The following ZNF497 variants were observed in gnomAD, a reference collection of about 807,000 sequenced individuals.
ZNF497 encodes zinc finger-like protein.
For synonymous variants in ZNF497, 422 were observed against 313.7 expected, an observed-to-expected ratio of 1.35 and a Z score of -3.65; for missense variants, 930 against 714.0, an observed-to-expected ratio of 1.30 and a Z score of -3.45.
chr19:58,357,372 G>A lies in ZNF497; in HGVS notation c.264C>T (p.Ser88=), dbSNP rs761089653. The A allele has an allele frequency of 6.3e-7, 1 of 1,592,426 alleles. No individual in the cohort carries two copies. Among genetic ancestry groups the A allele is most frequent in the African/African-American group, 1.3e-5 (1 of 74,498 alleles). The part of the protein sequence containing the change: ...DGGRDGAGPR[S]EPADRALRPS... ...GGCGCAACGCCCGGTCTGCAGGCTC[G>A]CTCCTGGGCCCAGCCCCGTCCCGCC... Residue 88 remains serine, a synonymous_variant, in exon 3 of 3, where the codon AGC becomes AGT. Coordinates refer to ENST00000311044, the MANE Select transcript of ZNF497 (RefSeq NM_198458.3).
chr19:58,356,486 T>C lies in ZNF497; in HGVS notation c.1150A>G (p.Lys384Glu), dbSNP rs1420733724. 6.5e-7 allele frequency: 1 copy of C among 1,548,230 alleles called. No homozygotes were observed. The highest frequency in any genetic ancestry group is 8.7e-7 in the Non-Finnish European group (1 of 1,153,174). The change falls in exon 3 of 3, where the codon AAG (lysine) becomes GAG (glutamate). Residue 384 changes from lysine (K) to glutamate (E), a missense_variant. Transcript: ENST00000311044. The stretch of plus-strand genomic sequence containing the variant: ...CCGCAGTCGGCGCAGGCGAAGGGCT[T>C]GGCGCCCGAGTGCGTGCGCCGGTGG... ...LSHRRTHSGAKPFACADCGKA... is the reference protein window; with the variant it reads ...LSHRRTHSGAEPFACADCGKA...
Position 58,356,239 on chromosome 19 carries a change from C to T in ZNF497, c.1397G>A (p.Gly466Asp). Residue 466 changes from glycine to aspartate, a missense_variant, in exon 3 of 3, where the codon GGC becomes GAC. Coordinates refer to ENST00000311044, the MANE Select transcript of ZNF497 (RefSeq NM_198458.3). ...CTCGCCGCAAGCGTAGGGCCTCTCG[C>T]CCGTGTGCGTGCGCCGGTGGCTTAA... is the stretch of plus-strand genomic sequence containing the variant. ...ELLSHRRTHT[G>D]ERPYACGECG... 1.2e-6 allele frequency: 2 copies of T among 1,607,550 alleles called. No homozygotes were observed. The highest frequency in any genetic ancestry group is 1.7e-6 in the Non-Finnish European group (2 of 1,177,592).
intron 1 of ZNF497, among the ~76,000 whole-genome samples, chr19:58,361,087 G>A (rs550612411): frequency 6.6e-6 from 1 of 152,050 alleles, no homozygotes; most frequent in South Asian, 2.1e-4. Flanking sequence ...CGGCCGGTGG[G>A]CCGGTCCTGA....
intron 1 of ZNF497, among the ~76,000 whole-genome samples, chr19:58,360,761 C>G (rs1230097470): frequency 5.8e-5 from 8 of 138,114 alleles, no homozygotes; most frequent in African/African-American, 1.9e-4. Context: ...AGGCTGGTCC[C>G]GAACTCTTTT....
intron 1 of ZNF497, 188 bp from the exon 2 acceptor site, chr19:58,358,773 C>T (rs558202090): frequency 4.4e-6 from 2 of 458,754 alleles, no homozygotes; most frequent in South Asian, 3.1e-5. Flanking sequence ...CAAACTCCCA[C>T]CTGTCACCAT....
At chr19:58,360,347 T>G (rs1356900926) in intron 1 of ZNF497, among the ~76,000 whole-genome samples, 1 of 151,514 alleles carries the variant, frequency 6.6e-6, no homozygotes, top group Non-Finnish European at 1.5e-5. Context: ...TTAAAAACTG[T>G]ATGACTCCAT....
At chr19:58,359,364 C>T (rs534750260) in intron 1 of ZNF497, 32 of 831,716 alleles carry the variant, frequency 3.8e-5, no homozygotes, top group East Asian at 6.3e-5. Flanking sequence ...AGCAAGGCCA[C>T]GAAGGTCCCC....
intron 1 of ZNF497, among the ~76,000 whole-genome samples, chr19:58,361,594 G>A (rs539822097): frequency 6.7e-6 from 1 of 150,256 alleles, no homozygotes; most frequent in African/African-American, 2.4e-5. Context: ...TGAGCTCAAG[G>A]GATCCACCCG....
Position 58,356,129 on chromosome 19 carries a change from C to G in ZNF497, c.*10G>C. ...TGTGTCCGCGACCTCCCGCTCAGGG[C>G]GTCCTCGGGTCAGGGCGCAGCGCGG... On this transcript the variant is annotated 3_prime_UTR_variant, in exon 3 of 3. Transcript: ENST00000311044. The G allele has an allele frequency of 6.6e-7, 1 of 1,526,140 alleles. No homozygotes were observed. Among genetic ancestry groups the G allele is most frequent in the Non-Finnish European group, 8.8e-7 (1 of 1,139,010 alleles). 94.5% of individuals were successfully genotyped at this position (1,526,140 alleles called of 1,614,324 possible).
At position 58,356,634 on chromosome 19, in the gene ZNF497, C is replaced by G. The variant is rs2052024840; in HGVS notation, c.1002G>C (p.Glu334Asp). The change falls in exon 3 of 3, where the codon GAG becomes GAC. Residue 334 changes from glutamate (E) to aspartate (D), a missense_variant. Transcript: ENST00000311044. Reference sequence around the variant, plus strand: ...AGCCCATGACGAAAGCCTGGCCGCACTCGGCGCACTCGAAGGGCCGCTCAC... The same window carrying G: ...AGCCCATGACGAAAGCCTGGCCGCAGTCGGCGCACTCGAAGGGCCGCTCAC... ...HTGERPFECA[E>D]CGQAFVMGSY... is the part of the protein sequence containing the mutation. 2 of 1,543,808 alleles carry G rather than the reference C, an allele frequency of 1.3e-6. No individual in the cohort carries two copies. The highest frequency in any genetic ancestry group is 1.7e-6 in the Non-Finnish European group (2 of 1,150,086).
At position 58,356,553 on chromosome 19, in the gene ZNF497, G is replaced by T; in HGVS notation, c.1083C>A (p.Ala361=). 1.9e-6 allele frequency: 3 copies of T among 1,543,466 alleles called. No homozygotes were observed. The highest frequency in any genetic ancestry group is 2.6e-6 in the Non-Finnish European group (3 of 1,149,640). Residue 361 remains alanine (A), a synonymous_variant, in exon 3 of 3, where the codon GCC becomes GCA. Coordinates refer to ENST00000311044, the MANE Select transcript of ZNF497 (RefSeq NM_198458.3). ...GCTGGCTGAAGGCCTTGCCGCACTG[G>T]GCGCACGCATGAGGCTTCTCGCCCG... ...VHTGEKPHAC[A]QCGKAFSQRS...
chr19:58,358,148 A>T, intron 2 of ZNF497: 1 of 1,247,572 alleles, frequency 8.0e-7, no homozygotes, highest in African/African-American at 1.7e-5. Flanking sequence ...ATCCCTGGGT[A>T]GTCCCCTCCA....
Position 58,357,632 on chromosome 19 carries a change from C to T in ZNF497, c.4G>A (p.Glu2Lys), listed in dbSNP as rs752478682. Reference protein sequence around the residue: MESPRGWTLQVA... With the variant: MKSPRGWTLQVA... ...TGCAGGGTCCACCCTCTTGGGGACT[C>T]CATCTCGCGCCTGTGACCTAAAACA... The change falls in exon 3 of 3, where the codon GAG (glutamate) becomes AAG (lysine). Residue 2 changes from glutamate (E) to lysine (K), a missense_variant. Coordinates refer to ENST00000311044, the MANE Select transcript of ZNF497 (RefSeq NM_198458.3). 1 of 1,520,674 alleles carries T rather than the reference C, an allele frequency of 6.6e-7. No homozygotes were observed. Among genetic ancestry groups the T allele is most frequent in the South Asian group, 1.3e-5 (1 of 76,250 alleles). The allele number at this position is 1,520,674 out of a possible 1,614,324, so 94.2% of individuals were successfully genotyped here.
chr19:58,360,743 T>C (rs1470230476), intron 1 of ZNF497, among the ~76,000 whole-genome samples: 1 of 146,440 alleles, frequency 6.8e-6, no homozygotes, highest in Non-Finnish European at 1.5e-5. Context: ...GGTTTCACCA[T>C]GTTGGCCAGG....
rs2051997013 is a variant in ZNF497 at position 58,354,522 on chromosome 19, C to T, written c.*1617G>A. 6.6e-6 allele frequency: 1 copy of T among 152,288 alleles called. No homozygotes were observed. 9.4% of individuals were successfully genotyped at this position (152,288 alleles called of 1,614,324 possible). On this transcript the variant is annotated 3_prime_UTR_variant, in exon 3 of 3. Transcript: ENST00000311044. ...AGGAGACCAGGAGTTGAGGCGACTG[C>T]AGAGCGATTGCAGAGCTCATAGACG...
At chr19:58,359,128 C>T (rs900826717) in intron 1 of ZNF497, 30 of 1,220,672 alleles carry the variant, frequency 2.5e-5, no homozygotes, top group Non-Finnish European at 3.1e-5. Flanking sequence ...CCCCTCGGGG[C>T]CCTGCTGCCT....
rs546643808 is a variant in ZNF497 at position 58,356,248 on chromosome 19, G to C, written c.1388C>G (p.Thr463Arg). ...RKSELLSHRRTHTGERPYACG... is the reference protein window; with the variant it reads ...RKSELLSHRRRHTGERPYACG... ...AGCGTAGGGCCTCTCGCCCGTGTGCGTGCGCCGGTGGCTTAAGAGCTCCGA... is the reference window on the plus strand; with the variant it reads ...AGCGTAGGGCCTCTCGCCCGTGTGCCTGCGCCGGTGGCTTAAGAGCTCCGA... The change falls in exon 3 of 3, where the codon ACG becomes AGG. Residue 463 changes from threonine (T) to arginine (R), a missense_variant. Physicochemically the swap from Thr to Arg is moderately conservative, Grantham distance 71. Coordinates refer to ENST00000311044, the MANE Select transcript of ZNF497 (RefSeq NM_198458.3). The C allele has an allele frequency of 6.2e-6, 10 of 1,602,948 alleles. No homozygotes were observed. In the South Asian group the frequency reaches 8.9e-5, roughly 14 times the overall value.
At position 58,356,490 on chromosome 19, in the gene ZNF497, G is replaced by T; in HGVS notation, c.1146C>A (p.Gly382=). 1 of 1,548,692 alleles carries T rather than the reference G, an allele frequency of 6.5e-7. No individual in the cohort carries two copies. Among genetic ancestry groups the T allele is most frequent in the Non-Finnish European group, 8.7e-7 (1 of 1,152,948 alleles). ...AGTCGGCGCAGGCGAAGGGCTTGGCGCCCGAGTGCGTGCGCCGGTGGCTCA... is the reference window on the plus strand; with the variant it reads ...AGTCGGCGCAGGCGAAGGGCTTGGCTCCCGAGTGCGTGCGCCGGTGGCTCA... ...NLLSHRRTHS[G]AKPFACADCG... is the part of the protein sequence containing the mutation. The change falls in exon 3 of 3, where the codon GGC becomes GGA. Residue 382 remains glycine, a synonymous_variant. Transcript: ENST00000311044.
chr19:58,357,996 C>T, intron 2 of ZNF497: 2 of 1,249,132 alleles, frequency 1.6e-6, no homozygotes, highest in Non-Finnish European at 1.0e-6. Context: ...CCTTGCTTCA[C>T]AGGGTGGGGC....
Sources: gnomAD v4.1 joint callset for allele counts (sites outside exome capture counted in the v4.1 genomes callset) on GRCh38, gnomAD v4.1.1 for gene constraint, MANE v1.5 for transcripts, NCBI Gene and HGNC (gene_info 2026-07-23, HGNC 2026-07-21) for gene names.